Variants in FLT3 observed in about 807,000 individuals in gnomAD.
FLT3 encodes fms related receptor tyrosine kinase 3.
FLT3 carries 46 observed loss-of-function variants against 126.6 expected under a neutral mutation model. The ratio of observed to expected loss-of-function variants is 0.36; its 90% CI spans 0.29 to 0.46. The LOEUF (loss-of-function observed/expected upper bound fraction) is 0.46. Ranked by LOEUF, FLT3 falls within the 20% of genes least tolerant of loss-of-function variation. FLT3 has a pLI of 1.00. For synonymous variants in FLT3, 404 were observed against 434.4 expected (o/e 0.93, Z 0.87); for missense variants, 1,069 against 1,190.3 (o/e 0.90, Z 1.50).
intron 1 of FLT3, among the ~76,000 whole-genome samples, chr13:28,091,376 C>G (rs551616574): frequency 1.3e-5 from 2 of 149,514 alleles, no homozygotes; most frequent in Non-Finnish European, 3.0e-5. Flanking sequence ...CGCCCGCCAC[C>G]ACGCCCGGCT....
chr13:28,058,225 A>AC (rs1365298556), intron 3 of FLT3, among the ~76,000 whole-genome samples: 3 of 136,210 alleles, frequency 2.2e-5, no homozygotes, highest in Non-Finnish European at 5.1e-5. Flanking sequence ...AAAAACAAAA[A>AC]AAAAAACGGC....
intron 1 of FLT3, among the ~76,000 whole-genome samples, chr13:28,088,991 A>G (rs1380419755): frequency 6.6e-6 from 1 of 152,158 alleles, no homozygotes; most frequent in Non-Finnish European, 1.5e-5. Context: ...AACCCTTAAA[A>G]CCCAATAATA....
At position 28,097,032 on chromosome 13, in the gene FLT3, G is replaced by A. The variant is rs538212558; in HGVS notation, c.43+3436C>T. 2.5e-4 allele frequency among the ~76,000 whole-genome samples: 38 copies of A among 152,024 alleles called. No individual in the cohort carries two copies. In the South Asian group the frequency reaches 6.4e-3, roughly 26 times the overall value. On this transcript the variant is annotated intron_variant, in intron 1 of 23. Transcript: ENST00000241453. ...TCAAGATTAGCCTGAGCAATACAGT[G>A]AGATCTCATCTCTACCAAAAAATTT... is the stretch of plus-strand genomic sequence containing the variant.
intron 8 of FLT3, 89 bp downstream of exon 8, chr13:28,049,295 T>C (rs1025629332): frequency 5.0e-6 from 6 of 1,197,152 alleles, no homozygotes; most frequent in East Asian, 2.3e-5. Context: ...TAGCATTATA[T>C]TGAAATCAGA....
intron 2 of FLT3, among the ~76,000 whole-genome samples, chr13:28,066,846 A>G (rs1372377985): frequency 6.6e-6 from 1 of 152,222 alleles, no homozygotes; most frequent in Non-Finnish European, 1.5e-5. Context: ...AAGAAGGAAC[A>G]GGATATTTGC....
intron 4 of FLT3, among the ~76,000 whole-genome samples, chr13:28,055,364 A>C (rs1316403803): frequency 6.6e-6 from 1 of 152,234 alleles, no homozygotes; most frequent in African/African-American, 2.4e-5. Flanking sequence ...AATTTAAAGA[A>C]TTCCAAGTTT....
intron 2 of FLT3, among the ~76,000 whole-genome samples, chr13:28,069,810 T>G (rs1172194285): frequency 6.6e-6 from 1 of 152,156 alleles, no homozygotes; most frequent in Non-Finnish European, 1.5e-5. Context: ...AATCTAGAGA[T>G]AATTTTAAAA....
chr13:28,060,436 AT>A (rs1158385289), intron 3 of FLT3, among the ~76,000 whole-genome samples: 1 of 135,534 alleles, frequency 7.4e-6, no homozygotes, highest in African/African-American at 2.8e-5. Context: ...AAAAAAAAAA[AT>A]TCTTAATTGT....
intron 1 of FLT3, among the ~76,000 whole-genome samples, chr13:28,072,517 C>A (rs567369712): frequency 1.3e-5 from 2 of 152,230 alleles, no homozygotes; most frequent in South Asian, 4.2e-4. Flanking sequence ...CTGCCTCAGC[C>A]TCCCAAGTAG....
chr13:28,032,225 A>G (rs1217705293), intron 15 of FLT3, among the ~76,000 whole-genome samples: 1 of 152,196 alleles, frequency 6.6e-6, no homozygotes, highest in African/African-American at 2.4e-5. Context: ...TGTTAAAGGG[A>G]CCTTTGAGAC....
rs1173172684 is a variant in FLT3, at chr13:28,004,013, T to C, written c.*39A>G. Reference sequence around the variant, plus strand: ...TTGGTAATCTACAGCCTGTTAGGGATAGGTGGAGGGATGAAGTCCTTAAAA... The same window carrying C: ...TTGGTAATCTACAGCCTGTTAGGGACAGGTGGAGGGATGAAGTCCTTAAAA... On this transcript the variant is annotated 3_prime_UTR_variant, in exon 24 of 24. Transcript: ENST00000241453. 4 of 1,612,036 alleles carry C rather than the reference T, an allele frequency of 2.5e-6. No homozygotes were observed. The highest frequency in any genetic ancestry group is 3.4e-6 in the Non-Finnish European group (4 of 1,178,260).
At position 28,100,239 on chromosome 13, in the gene FLT3, C is replaced by T. The variant is rs1879732272; in HGVS notation, c.43+229G>A. ...ACCGCGGCCCGAGCCAGAGGAGAGA[C>T]TTCGGAGAAGAGGGAAGAGGACGCG... On this transcript the variant is annotated intron_variant, in intron 1 of 23. Coordinates refer to ENST00000241453, the MANE Select transcript of FLT3 (RefSeq NM_004119.3). The surrounding 1 kb of genome is among the most constrained non-coding windows in gnomAD (Gnocchi z 4.8). Among the ~76,000 whole-genome samples the T allele has an allele frequency of 6.6e-6, 1 of 152,104 alleles. No homozygotes were observed. Among genetic ancestry groups the T allele is most frequent in the African/African-American group, 2.4e-5 (1 of 41,444 alleles).
intron 2 of FLT3, among the ~76,000 whole-genome samples, chr13:28,064,631 A>T (rs771635277): frequency 2.1e-4 from 32 of 152,202 alleles, no homozygotes; most frequent in Admixed American, 5.2e-4. Context: ...CCTACTTATA[A>T]TTAGAAATCC....
rs1312350732 is a variant in FLT3, at chr13:28,081,789, T to C, written c.44-11177A>G. 5.9e-5 allele frequency among the ~76,000 whole-genome samples: 9 copies of C among 151,370 alleles called. No homozygotes were observed. The East Asian group carries it at 1.7e-3, about 29-fold the overall frequency. On this transcript the variant is annotated intron_variant, in intron 1 of 23. Coordinates refer to ENST00000241453, the MANE Select transcript of FLT3 (RefSeq NM_004119.3). ...GGAAGATAAGTTCTTTTCTCTTCTG[T>C]AATATTTTTATTATAATTTTTACTT...
intron 1 of FLT3, among the ~76,000 whole-genome samples, chr13:28,080,195 G>A (rs980254980): frequency 2.0e-5 from 3 of 152,180 alleles, no homozygotes; most frequent in Non-Finnish European, 4.4e-5. Context: ...GGCCAAAATG[G>A]TGAAACCCCG....
At chr13:28,075,322 T>C (rs1032445559) in intron 1 of FLT3, among the ~76,000 whole-genome samples, 2 of 152,184 alleles carry the variant, frequency 1.3e-5, no homozygotes, top group Non-Finnish European at 2.9e-5. Context: ...ATATTCAACG[T>C]GATGATTACC....
chr13:28,080,854 T>TA (rs1223606302), intron 1 of FLT3, among the ~76,000 whole-genome samples: 1 of 152,228 alleles, frequency 6.6e-6, no homozygotes, highest in Non-Finnish European at 1.5e-5. Flanking sequence ...TGCACATGAA[T>TA]ATGCCATTGT....
chr13:28,089,738 CTT>C lies in FLT3; in HGVS notation c.43+10728_43+10729del, dbSNP rs56030894. ...TTGACTACAGAAGGGCATGAGGGAA[CTT>C]TTTTTTTTTTTTGAGATGGAGTCTT... On this transcript the variant is annotated intron_variant, in intron 1 of 23. Coordinates refer to ENST00000241453, the MANE Select transcript of FLT3 (RefSeq NM_004119.3). 6.3e-3 allele frequency among the ~76,000 whole-genome samples: 906 copies of C among 143,938 alleles called. 16 individuals are homozygous for C. The highest frequency in any genetic ancestry group is 0.022 in the Middle Eastern group (6 of 276). The allele number at this position is 143,938 out of a possible 152,430, so 94.4% of individuals were successfully genotyped here.
intron 19 of FLT3, among the ~76,000 whole-genome samples, chr13:28,022,299 C>G (rs1484095101): frequency 6.6e-6 from 1 of 152,038 alleles, no homozygotes; most frequent in Non-Finnish European, 1.5e-5. Flanking sequence ...ATTGCTTGAG[C>G]TCAGGATTTC....
Sources: gnomAD v4.1 joint callset for allele counts (sites outside exome capture counted in the v4.1 genomes callset) on GRCh38, gnomAD v4.1.1 for gene constraint, Gnocchi (gnomAD v3.1) non-coding constraint, MANE v1.5 for transcripts, NCBI Gene and HGNC (gene_info 2026-07-23, HGNC 2026-07-21) for gene names.